The following PLCXD3 variants were observed in gnomAD, a reference collection of about 807,000 sequenced individuals.
The protein encoded by PLCXD3 is PI-PLC X domain-containing protein 3.
PLCXD3 carries 19 observed loss-of-function variants against 25.5 expected under a neutral mutation model. That is an observed-to-expected ratio of 0.75 (90% CI 0.52 to 1.09). The LOEUF (loss-of-function observed/expected upper bound fraction) is 1.09. PLCXD3 is among the 50% of genes least tolerant of loss of function. The pLI, the probability that PLCXD3 is intolerant of heterozygous loss-of-function variation, is 0.00. For missense variants in PLCXD3, 411 were observed against 388.1 expected, an observed-to-expected ratio of 1.06 and a Z score of -0.50; for synonymous variants, 174 against 137.6, an observed-to-expected ratio of 1.26 and a Z score of -1.85.
intron 1 of PLCXD3, among the ~76,000 whole-genome samples, chr5:41,496,830 A>C (rs1358243220): frequency 6.6e-6 from 1 of 151,808 alleles, no homozygotes; most frequent in Non-Finnish European, 1.5e-5. Flanking sequence ...AATCATTTTC[A>C]ATTCAGGTAT....
At chr5:41,470,029 C>T (rs1368431411) in intron 1 of PLCXD3, among the ~76,000 whole-genome samples, 1 of 152,150 alleles carries the variant, frequency 6.6e-6, no homozygotes, top group Non-Finnish European at 1.5e-5. Flanking sequence ...ACAAAAGCCT[C>T]TGAAGTGTGA....
At chr5:41,454,722 C>T (rs1207045488) in intron 1 of PLCXD3, among the ~76,000 whole-genome samples, 3 of 151,756 alleles carry the variant, frequency 2.0e-5, no homozygotes, top group Non-Finnish European at 4.4e-5. Context: ...CCAAGGAACA[C>T]CAAAAATTGC....
At chr5:41,360,194 T>C (rs899647063) in intron 2 of PLCXD3, among the ~76,000 whole-genome samples, 5 of 152,216 alleles carry the variant, frequency 3.3e-5, no homozygotes, top group African/African-American at 1.2e-4. Flanking sequence ...GAAATTGTGA[T>C]TGTTTTTTAT....
At chr5:41,479,386 A>T (rs1353526264) in intron 1 of PLCXD3, among the ~76,000 whole-genome samples, 1 of 152,164 alleles carries the variant, frequency 6.6e-6, no homozygotes. Context: ...GTTGAGGAAG[A>T]TGAAAAAATT....
chr5:41,498,730 A>G (rs1030619400), intron 1 of PLCXD3, among the ~76,000 whole-genome samples: 2 of 151,848 alleles, frequency 1.3e-5, no homozygotes, highest in Non-Finnish European at 3.0e-5. Context: ...AATATCCCTA[A>G]TAAACATAAA....
intron 2 of PLCXD3, among the ~76,000 whole-genome samples, chr5:41,370,826 T>A (rs1295030684): frequency 1.3e-5 from 2 of 152,184 alleles, no homozygotes; most frequent in Non-Finnish European, 2.9e-5. Flanking sequence ...ATCTCCTGCT[T>A]CCTTGTGCCC....
At position 41,312,325 on chromosome 5, in the gene PLCXD3, T is replaced by C. The variant is rs1743153051; in HGVS notation, c.*1292A>G. On this transcript the variant is annotated 3_prime_UTR_variant, in exon 3 of 3. Transcript: ENST00000377801. ...ACAAGTCCATTCAGACCTCATAAAT[T>C]TCAAGTTTCCTAAAGATATTTCAGA... 6.6e-6 allele frequency: 1 copy of C among 152,384 alleles called. No individual in the cohort carries two copies. The highest frequency in any genetic ancestry group is 1.5e-5 in the Non-Finnish European group (1 of 68,006). The allele number at this position is 152,384 out of a possible 1,614,324, so 9.4% of individuals were successfully genotyped here. A position where few individuals can be genotyped will look rare whatever the true frequency, so the allele number is the denominator to read the frequency against.
intron 1 of PLCXD3, among the ~76,000 whole-genome samples, chr5:41,474,550 C>A (rs1041487478): frequency 5.3e-5 from 8 of 152,174 alleles, no homozygotes; most frequent in Non-Finnish European, 1.2e-4. Context: ...TTGTACGGTA[C>A]AGGTGGGTCC....
In PLCXD3 at chr5:41,403,401, G is replaced by GTTGTTTGTTTTTGTTT. The variant is rs1746250356; in HGVS notation, c.104-20868_104-20867insAAACAAAAACAAACAA. On this transcript the variant is annotated intron_variant, in intron 1 of 2. Transcript: ENST00000377801. ...ATTTACCCAGATTGACTTATTTGTT[G>GTTGTTTGTTTTTGTTT]TTTTTTTTTTTTTTTATTATACTCT... Among the ~76,000 whole-genome samples the GTTGTTTGTTTTTGTTT allele has an allele frequency of 5.4e-4, 10 of 18,392 alleles. 1 individual carries two copies. Among genetic ancestry groups the GTTGTTTGTTTTTGTTT allele is most frequent in the South Asian group, 1.5e-3 (1 of 682 alleles). The allele number at this position is 18,392 out of a possible 152,430, so 12.1% of individuals were successfully genotyped here. A position where few individuals can be genotyped will look rare whatever the true frequency, so the allele number is the denominator to read the frequency against.
intron 1 of PLCXD3, among the ~76,000 whole-genome samples, chr5:41,479,089 C>A (rs1057339894): frequency 1.3e-5 from 2 of 151,960 alleles, no homozygotes; most frequent in Non-Finnish European, 2.9e-5. Flanking sequence ...ACCAAATGTT[C>A]ATTGACAGAA....
chr5:41,465,190 C>T (rs1307618102), intron 1 of PLCXD3, among the ~76,000 whole-genome samples: 3 of 151,676 alleles, frequency 2.0e-5, no homozygotes, highest in Non-Finnish European at 2.9e-5. Context: ...TTTTGGCCTT[C>T]GCAGTTATTC....
intron 1 of PLCXD3, among the ~76,000 whole-genome samples, chr5:41,391,285 T>C (rs897418237): frequency 1.3e-5 from 2 of 152,104 alleles, no homozygotes; most frequent in Non-Finnish European, 2.9e-5. Flanking sequence ...GCTGCACAGC[T>C]TGAGGCTCCA....
At chr5:41,385,871 G>A (rs928846829) in intron 1 of PLCXD3, among the ~76,000 whole-genome samples, 6 of 152,084 alleles carry the variant, frequency 3.9e-5, no homozygotes, top group Non-Finnish European at 7.4e-5. Flanking sequence ...AGCTCTGAAG[G>A]AACTGAATCC....
chr5:41,381,181 A>G (rs1038691069), intron 2 of PLCXD3, among the ~76,000 whole-genome samples: 7 of 152,146 alleles, frequency 4.6e-5, no homozygotes, highest in African/African-American at 1.7e-4. Context: ...TAGGGATATT[A>G]AAAGACTCTG....
intron 2 of PLCXD3, among the ~76,000 whole-genome samples, chr5:41,325,188 A>T (rs1477057342): frequency 6.6e-6 from 1 of 152,214 alleles, no homozygotes; most frequent in Non-Finnish European, 1.5e-5. Flanking sequence ...TAGTCCTTAG[A>T]TGAAATATGA....
chr5:41,431,071 C>T (rs1747087564), intron 1 of PLCXD3, among the ~76,000 whole-genome samples: 1 of 152,166 alleles, frequency 6.6e-6, no homozygotes, highest in African/African-American at 2.4e-5. Flanking sequence ...GAGCACAAAT[C>T]ACCTAGCAGA....
intron 1 of PLCXD3, among the ~76,000 whole-genome samples, chr5:41,403,420 A>T (rs1414069129): frequency 6.6e-3 from 44 of 6,628 alleles, no homozygotes; most frequent in Admixed American, 0.013. Flanking sequence ...TTTTTTTATT[A>T]TACTCTAAGT....
chr5:41,385,692 T>C (rs1169656117), intron 1 of PLCXD3, among the ~76,000 whole-genome samples: 1 of 152,096 alleles, frequency 6.6e-6, no homozygotes, highest in Non-Finnish European at 1.5e-5. Context: ...AGGACAAACA[T>C]GATGGGATGC....
intron 2 of PLCXD3, among the ~76,000 whole-genome samples, chr5:41,330,572 G>A (rs1269756806): frequency 6.6e-6 from 1 of 152,136 alleles, no homozygotes; most frequent in African/African-American, 2.4e-5. Flanking sequence ...TAGAAAAAAA[G>A]GAATCCTCCC....
Sources: gnomAD v4.1 joint callset for allele counts (sites outside exome capture counted in the v4.1 genomes callset) on GRCh38, gnomAD v4.1.1 for gene constraint, MANE v1.5 for transcripts, NCBI Gene and HGNC (gene_info 2026-07-23, HGNC 2026-07-21) for gene names.